AGTPBP1: variants seen among roughly 807,000 people sequenced by gnomAD.
AGTPBP1 encodes cytosolic carboxypeptidase 1.
A neutral mutation model predicts 143.9 loss-of-function variants in AGTPBP1; 70 were observed. The ratio of observed to expected loss-of-function variants is 0.49; its 90% CI spans 0.40 to 0.59. The LOEUF (loss-of-function observed/expected upper bound fraction) is 0.59, where lower values mean the gene tolerates loss of function less well. Among genes scored for constraint, AGTPBP1 ranks in the 20% least tolerant of loss-of-function variants. The pLI, the probability that AGTPBP1 is intolerant of heterozygous loss-of-function variation, is 0.00. For synonymous variants in AGTPBP1, 463 were observed against 500.2 expected (o/e 0.93, Z 0.99); for missense variants, 1,229 against 1,464.5 (o/e 0.84, Z 2.62).
intron 2 of AGTPBP1, among the ~76,000 whole-genome samples, chr9:85,711,252 G>C (rs1317690025): frequency 1.3e-5 from 2 of 152,030 alleles, no homozygotes; most frequent in African/African-American, 4.8e-5. Flanking sequence ...GAAAACTGAG[G>C]CTTCACAAAG....
At chr9:85,669,374 G>C (rs1834338891) in intron 8 of AGTPBP1, 111 bp downstream of exon 8, 1 of 506,690 alleles carries the variant, frequency 2.0e-6, no homozygotes. Context: ...ACTAAGAAAT[G>C]AAATAACCCT....
intron 1 of AGTPBP1, among the ~76,000 whole-genome samples, chr9:85,721,055 C>T (rs147876582): frequency 0.015 from 2,257 of 152,230 alleles, 25 homozygotes; most frequent in Middle Eastern, 0.037. Context: ...TTCTGCTCTT[C>T]TGCATTTGCT....
intron 13 of AGTPBP1, among the ~76,000 whole-genome samples, chr9:85,633,578 G>A (rs1191299584): frequency 6.6e-6 from 1 of 152,106 alleles, no homozygotes; most frequent in Non-Finnish European, 1.5e-5. Context: ...TTGCCTACAT[G>A]TCACAGAAAT....
At chr9:85,739,892 A>T (rs1374286250) in intron 1 of AGTPBP1, among the ~76,000 whole-genome samples, 2 of 151,720 alleles carry the variant, frequency 1.3e-5, no homozygotes, top group African/African-American at 2.4e-5. Flanking sequence ...GCGCGCCTAT[A>T]ATCAAGAAGC....
chr9:85,705,392 G>C (rs1021285257), intron 2 of AGTPBP1, among the ~76,000 whole-genome samples: 22 of 152,142 alleles, frequency 1.4e-4, no homozygotes, highest in African/African-American at 4.8e-4. Flanking sequence ...CAGGCAGCCA[G>C]GTAGCCAAGA....
chr9:85,799,732 G>A, the AGTPBP1 span, among the ~76,000 whole-genome samples: 1 of 152,062 alleles, frequency 6.6e-6, no homozygotes, highest in East Asian at 1.9e-4. Context: ...TGCCCAGGCT[G>A]GTCTTGAACT....
intron 2 of AGTPBP1, among the ~76,000 whole-genome samples, chr9:85,706,375 G>A (rs755527576): frequency 5.9e-5 from 9 of 151,818 alleles, no homozygotes; most frequent in Admixed American, 1.3e-4. Context: ...GCCAGGCATC[G>A]TGGCAGGCAC....
At chr9:85,690,589 G>A (rs990963273) in intron 3 of AGTPBP1, among the ~76,000 whole-genome samples, 1 of 152,018 alleles carries the variant, frequency 6.6e-6, no homozygotes, top group African/African-American at 2.4e-5. Flanking sequence ...GTAAGGTCAG[G>A]AGTACTTTCA....
chr9:85,798,362 C>CTTTTTTTTTTTT, the AGTPBP1 span, among the ~76,000 whole-genome samples: 1 of 119,268 alleles, frequency 8.4e-6, no homozygotes. Context: ...CCTCCAAGTT[C>CTTTTTTTTTTTT]TTTTTTTTTT....
intron 17 of AGTPBP1, among the ~76,000 whole-genome samples, chr9:85,604,342 T>A (rs1316682395): frequency 6.6e-6 from 1 of 152,216 alleles, no homozygotes; most frequent in East Asian, 1.9e-4. Context: ...CAAGAAATTA[T>A]CTTGTATCTC....
At chr9:85,580,377 GA>G (rs1195344984) in intron 23 of AGTPBP1, among the ~76,000 whole-genome samples, 1 of 151,672 alleles carries the variant, frequency 6.6e-6, no homozygotes. Context: ...GGCTTAGAAA[GA>G]TTTTTTTTCA....
intron 2 of AGTPBP1, among the ~76,000 whole-genome samples, chr9:85,698,677 C>G (rs760127162): frequency 1.5e-5 from 2 of 131,394 alleles, no homozygotes; most frequent in Non-Finnish European, 3.2e-5. Flanking sequence ...CCCCACCTAA[C>G]CCTTTTTTTT....
chr9:85,671,585 C>G (rs1015597786), intron 7 of AGTPBP1, among the ~76,000 whole-genome samples: 1 of 152,208 alleles, frequency 6.6e-6, no homozygotes, highest in African/African-American at 2.4e-5. Flanking sequence ...ACATATCTAG[C>G]ACTCTATCAT....
intron 13 of AGTPBP1, among the ~76,000 whole-genome samples, chr9:85,634,375 A>G (rs978826096): frequency 1.3e-5 from 2 of 152,144 alleles, no homozygotes; most frequent in Admixed American, 1.3e-4. Flanking sequence ...CTAGGCAGAG[A>G]GGACTAGAGC....
At chr9:85,579,848 C>T (rs935347436) in intron 23 of AGTPBP1, among the ~76,000 whole-genome samples, 4 of 149,922 alleles carry the variant, frequency 2.7e-5, no homozygotes, top group African/African-American at 7.4e-5. Context: ...TCTAAAGTCA[C>T]TCTTCATTAA....
intron 13 of AGTPBP1, among the ~76,000 whole-genome samples, chr9:85,636,622 G>T (rs62566949): frequency 0.017 from 2,547 of 152,140 alleles, 25 homozygotes; most frequent in Middle Eastern, 0.054. Flanking sequence ...CTGACAGATA[G>T]TTCTAATGAA....
chr9:85,799,145 T>C, the AGTPBP1 span, among the ~76,000 whole-genome samples: 2 of 152,286 alleles, frequency 1.3e-5, no homozygotes, highest in Admixed American at 6.5e-5. Flanking sequence ...TTCATGTCCC[T>C]GCAAAGGACA....
chr9:85,738,587 C>T (rs10481767), intron 1 of AGTPBP1, among the ~76,000 whole-genome samples: 1 of 152,074 alleles, frequency 6.6e-6, no homozygotes, highest in Admixed American at 6.5e-5. Flanking sequence ...ATCACAAACT[C>T]AAAAACAGAT....
intron 3 of AGTPBP1, among the ~76,000 whole-genome samples, chr9:85,691,460 C>A (rs942087434): frequency 2.0e-5 from 3 of 151,322 alleles, no homozygotes; most frequent in African/African-American, 7.3e-5. Context: ...GACCTTAATT[C>A]TAACAGAAAT....
Sources: allele counts gnomAD v4.1 joint callset (sites outside exome capture counted in the v4.1 genomes callset), GRCh38; gene constraint gnomAD v4.1.1; transcripts MANE v1.5; gene names NCBI Gene and HGNC (gene_info 2026-07-23, HGNC 2026-07-21).